EHHADH: variants seen among roughly 807,000 people sequenced by gnomAD.
The protein encoded by EHHADH is enoyl-CoA hydratase and 3-hydroxyacyl CoA dehydrogenase.
A neutral mutation model predicts 64.4 loss-of-function variants in EHHADH; 48 were observed. That is an observed-to-expected ratio of 0.75 (90% CI 0.59 to 0.95). EHHADH has a LOEUF of 0.95. Among genes scored for constraint, EHHADH ranks in the 40% least tolerant of loss-of-function variants. The pLI is 0.00. For synonymous variants in EHHADH, 308 were observed against 326.7 expected, an observed-to-expected ratio of 0.94 and a Z score of 0.62; for missense variants, 854 against 876.6, an observed-to-expected ratio of 0.97 and a Z score of 0.33.
chr3:185,253,964 G>C lies in EHHADH; in HGVS notation c.59C>G (p.Pro20Arg), dbSNP rs768105590. The change falls in exon 1 of 7, where the codon CCG (proline) becomes CGG (arginine). Residue 20 changes from proline to arginine, a missense_variant. Physicochemically the swap from Pro to Arg is moderately radical, Grantham distance 103 (BLOSUM62 -2). Transcript: ENST00000231887. ...AGCCCGTTACCTGATCGCGTTGACC[G>C]GCGGGTTTCGGAGGCGGATTAGCGC... ...ALALIRLRNPPVNAISTTLLR... is the reference protein window; with the variant it reads ...ALALIRLRNPRVNAISTTLLR... 2 of 1,614,012 alleles carry C rather than the reference G, an allele frequency of 1.2e-6. No individual in the cohort carries two copies. The highest frequency in any genetic ancestry group is 1.1e-5 in the South Asian group (1 of 91,074).
At chr3:185,202,689 G>A (rs1355836998) in intron 6 of EHHADH, among the ~76,000 whole-genome samples, 2 of 152,164 alleles carry the variant, frequency 1.3e-5, no homozygotes, top group African/African-American at 4.8e-5. Flanking sequence ...TGTGAACTGC[G>A]CATGTGAGGG....
intron 5 of EHHADH, among the ~76,000 whole-genome samples, chr3:185,210,839 G>C (rs1331904955): frequency 1.3e-5 from 2 of 152,044 alleles, no homozygotes; most frequent in Non-Finnish European, 2.9e-5. Context: ...AAAAAGAGAG[G>C]AGAGAACAAA....
At chr3:185,242,330 T>C (rs1719477791) in intron 2 of EHHADH, among the ~76,000 whole-genome samples, 1 of 152,084 alleles carries the variant, frequency 6.6e-6, no homozygotes, top group South Asian at 2.1e-4. Context: ...AAAATTCATA[T>C]GGAACCAAAA....
At chr3:185,243,676 T>C (rs1245594910) in intron 2 of EHHADH, among the ~76,000 whole-genome samples, 8 of 152,240 alleles carry the variant, frequency 5.3e-5, no homozygotes, top group Admixed American at 3.3e-4. Context: ...TCTACTTTTA[T>C]TCCACTATAA....
chr3:185,215,960 T>G (rs1718671428), intron 5 of EHHADH, among the ~76,000 whole-genome samples: 1 of 152,174 alleles, frequency 6.6e-6, no homozygotes, highest in African/African-American at 2.4e-5. Flanking sequence ...TATATAGTTT[T>G]CATGATTATA....
intron 2 of EHHADH, chr3:185,245,437 T>C: frequency 1.2e-6 from 1 of 808,174 alleles, no homozygotes; most frequent in South Asian, 2.1e-5. Context: ...ACAACACGCT[T>C]TGAAAAATCA....
intron 3 of EHHADH, among the ~76,000 whole-genome samples, chr3:185,232,842 G>A (rs563629536): frequency 6.6e-6 from 1 of 152,298 alleles, no homozygotes; most frequent in East Asian, 1.9e-4. Context: ...TACACAAAGT[G>A]CCAAAAGAAA....
At chr3:185,215,030 A>G (rs1257469904) in intron 5 of EHHADH, among the ~76,000 whole-genome samples, 1 of 152,136 alleles carries the variant, frequency 6.6e-6, no homozygotes, top group African/African-American at 2.4e-5. Context: ...TTCTAATGAG[A>G]GCTTATTTAA....
chr3:185,248,258 C>T, intron 2 of EHHADH, 156 bp downstream of exon 2: 1 of 648,686 alleles, frequency 1.5e-6, no homozygotes, highest in Non-Finnish European at 2.8e-6. Flanking sequence ...TCTTGTAATT[C>T]CTGTCCCTTT....
intron 2 of EHHADH, among the ~76,000 whole-genome samples, chr3:185,244,991 G>A (rs554309159): frequency 6.6e-6 from 1 of 152,296 alleles, no homozygotes. Flanking sequence ...TGACTTTACA[G>A]TAGACCTTGC....
At chr3:185,222,212 CCT>C (rs780995784) in intron 4 of EHHADH, among the ~76,000 whole-genome samples, 276 of 152,014 alleles carry the variant, frequency 1.8e-3, no homozygotes, top group Non-Finnish European at 3.4e-3. Flanking sequence ...CCCCCCGCCC[CCT>C]GTTTCTACTA....
intron 5 of EHHADH, among the ~76,000 whole-genome samples, chr3:185,217,415 G>A (rs1189796807): frequency 6.6e-6 from 1 of 151,736 alleles, no homozygotes; most frequent in Non-Finnish European, 1.5e-5. Context: ...CATGGTGGGC[G>A]GACGCCTGTA....
intron 4 of EHHADH, among the ~76,000 whole-genome samples, chr3:185,225,368 T>A (rs773317913): frequency 9.9e-5 from 15 of 152,090 alleles, no homozygotes; most frequent in Non-Finnish European, 1.9e-4. Flanking sequence ...TTCTCTCACA[T>A]CTCGTATCTG....
intron 4 of EHHADH, among the ~76,000 whole-genome samples, chr3:185,220,348 T>G (rs1222932799): frequency 6.6e-6 from 1 of 152,218 alleles, no homozygotes; most frequent in Non-Finnish European, 1.5e-5. Flanking sequence ...ATATCATATA[T>G]TTACTGTACC....
In EHHADH at chr3:185,210,920, C is replaced by T. The variant is rs1255280398; in HGVS notation, c.569-6163G>A. Among the ~76,000 whole-genome samples the T allele has an allele frequency of 4.6e-5, 7 of 152,230 alleles. No individual in the cohort carries two copies. The East Asian group carries it at 1.3e-3, about 29-fold the overall frequency. ...TCTGATCAGCATAATCCTATTATCCCGGGGACACTGAAAACCTCGCAGACT... is the reference window on the plus strand; with the variant it reads ...TCTGATCAGCATAATCCTATTATCCTGGGGACACTGAAAACCTCGCAGACT... On this transcript the variant is annotated intron_variant, in intron 5 of 6. Transcript: ENST00000231887.
intron 6 of EHHADH, among the ~76,000 whole-genome samples, chr3:185,200,600 A>G (rs1718196750): frequency 6.6e-6 from 1 of 152,232 alleles, no homozygotes; most frequent in Non-Finnish European, 1.5e-5. Context: ...ATGCATATAG[A>G]CAGGGGCAAG....
Position 185,253,972 on chromosome 3 carries a change from T to A in EHHADH, c.51A>T (p.Arg17=). The change falls in exon 1 of 7, where the codon CGA becomes CGT. Residue 17 remains arginine (R), a synonymous_variant. Transcript: ENST00000231887. The part of the protein sequence containing the change: ...LHNALALIRL[R]NPPVNAISTT... Reference sequence around the variant, plus strand: ...ACCTGATCGCGTTGACCGGCGGGTTTCGGAGGCGGATTAGCGCCAAGGCGT... The same window carrying A: ...ACCTGATCGCGTTGACCGGCGGGTTACGGAGGCGGATTAGCGCCAAGGCGT... 6.2e-7 allele frequency: 1 copy of A among 1,613,974 alleles called. No homozygotes were observed. Among genetic ancestry groups the A allele is most frequent in the Non-Finnish European group, 8.5e-7 (1 of 1,179,942 alleles).
In EHHADH at chr3:185,204,159, G is replaced by A. The variant is rs77589543; in HGVS notation, c.910+257C>T. Reference sequence around the variant, plus strand: ...AAAAAAAAAAAAAAAAAAAAAAAAAGAATAAAACATTCCCAGTCTGGAGTC... The same window carrying A: ...AAAAAAAAAAAAAAAAAAAAAAAAAAAATAAAACATTCCCAGTCTGGAGTC... On this transcript the variant is annotated intron_variant, in intron 6 of 6. Coordinates refer to ENST00000231887, the MANE Select transcript of EHHADH (RefSeq NM_001966.4). 0.079 allele frequency among the ~76,000 whole-genome samples: 6,838 copies of A among 86,704 alleles called. 227 individuals are homozygous for A. Among genetic ancestry groups the A allele is most frequent in the East Asian group, 0.18 (366 of 2,090 alleles). 56.9% of individuals were successfully genotyped at this position (86,704 alleles called of 152,430 possible). A position where few individuals can be genotyped will look rare whatever the true frequency, so the allele number is the denominator to read the frequency against.
intron 2 of EHHADH, among the ~76,000 whole-genome samples, chr3:185,243,976 GCTGT>G (rs2108650935): frequency 6.6e-6 from 1 of 152,202 alleles, no homozygotes; most frequent in Admixed American, 6.5e-5. Flanking sequence ...TTATTGTATA[GCTGT>G]CTATCTCTTT....
Sources: allele counts gnomAD v4.1 joint callset (sites outside exome capture counted in the v4.1 genomes callset), GRCh38; gene constraint gnomAD v4.1.1; transcripts MANE v1.5; gene names NCBI Gene and HGNC (gene_info 2026-07-23, HGNC 2026-07-21).